RD3: variants seen among roughly 807,000 people sequenced by gnomAD.
RD3 encodes RD3 regulator of GUCY2D, also known as protein RD3.
Under a neutral mutation model 16.9 loss-of-function variants are expected in RD3, and 11 were observed. That is an observed-to-expected ratio of 0.65 (90% CI 0.41 to 1.08). RD3 has a LOEUF of 1.08. RD3 is among the 50% of genes least tolerant of loss of function. The probability of loss-of-function intolerance (pLI) is 0.00; values close to 1 mark genes in which losing one functional copy is unlikely to be tolerated. For synonymous variants in RD3, 116 were observed against 114.8 expected (o/e 1.01, Z -0.07); for missense variants, 274 against 267.4 (o/e 1.02, Z -0.17).
intron 1 of RD3, among the ~76,000 whole-genome samples, chr1:211,484,787 G>A (rs1339684008): frequency 6.6e-6 from 1 of 152,156 alleles, no homozygotes; most frequent in Non-Finnish European, 1.5e-5. Context: ...CATCCCACAT[G>A]GTAAGGGGCC....
chr1:211,488,278 T>C (rs1705416068), intron 1 of RD3, among the ~76,000 whole-genome samples: 1 of 152,306 alleles, frequency 6.6e-6, no homozygotes, highest in South Asian at 2.1e-4. Flanking sequence ...CTCACGACTA[T>C]AATCCCAGCA....
intron 1 of RD3, among the ~76,000 whole-genome samples, chr1:211,482,042 G>A (rs191861333): frequency 6.6e-6 from 1 of 152,182 alleles, no homozygotes; most frequent in Non-Finnish European, 1.5e-5. Context: ...GACCAACATG[G>A]AGAAACCCTG....
rs766975675 is a variant in RD3 at position 211,481,398 on chromosome 1, C to G, written c.18G>C (p.Trp6Cys). The part of the protein sequence containing the change: MSLIS[W>C]LRWNEAPSRL... ...GGGATGGGGCCTCGTTCCACCGAAG[C>G]CATGAGATGAGAGACATAGCCCCTG... Residue 6 changes from tryptophan to cysteine, a missense_variant, in exon 2 of 3, where the codon TGG becomes TGC. By Grantham distance (215) the Trp-to-Cys change is radical. Transcript: ENST00000680073. 1 of 1,612,992 alleles carries G rather than the reference C, an allele frequency of 6.2e-7. No individual in the cohort carries two copies. The highest frequency in any genetic ancestry group is 1.7e-5 in the Admixed American group (1 of 60,028).
At chr1:211,488,589 G>A (rs1360218353) in intron 1 of RD3, among the ~76,000 whole-genome samples, 2 of 151,268 alleles carry the variant, frequency 1.3e-5, no homozygotes, top group Non-Finnish European at 2.9e-5. Context: ...ATAGAGAGGA[G>A]ACAGATGACC....
In RD3 at chr1:211,478,441, G is replaced by A. The variant is rs1705187820; in HGVS notation, c.*595C>T. 1 of 354,586 alleles carries A rather than the reference G, an allele frequency of 2.8e-6. No individual in the cohort carries two copies. Among genetic ancestry groups the A allele is most frequent in the Admixed American group, 4.7e-5 (1 of 21,392 alleles). The allele number at this position is 354,586 out of a possible 1,614,324, so 22.0% of individuals were successfully genotyped here. A position where few individuals can be genotyped will look rare whatever the true frequency, so the allele number is the denominator to read the frequency against. ...GAGGAGCTGGCTGCAGTTAAAGGCA[G>A]AAGAAGTGTCCCTCTCTGAGCCTCA... On this transcript the variant is annotated 3_prime_UTR_variant, in exon 3 of 3. Transcript: ENST00000680073.
At chr1:211,489,223 C>T (rs1164434456) in intron 1 of RD3, among the ~76,000 whole-genome samples, 3 of 152,146 alleles carry the variant, frequency 2.0e-5, no homozygotes, top group Non-Finnish European at 4.4e-5. Context: ...ACCATTGTCG[C>T]TTAGTACAGA....
intron 1 of RD3, among the ~76,000 whole-genome samples, chr1:211,486,150 C>CA (rs111329963): frequency 0.053 from 5,808 of 109,028 alleles, 155 homozygotes; most frequent in Middle Eastern, 0.15. Context: ...GACCCCATCT[C>CA]AAAAAAAAAA....
At chr1:211,479,606 T>G (rs1207599051) in intron 2 of RD3, among the ~76,000 whole-genome samples, 2 of 152,220 alleles carry the variant, frequency 1.3e-5, no homozygotes, top group African/African-American at 2.4e-5. Context: ...TGAACTAAGA[T>G]ATGTAAAGAT....
intron 1 of RD3, among the ~76,000 whole-genome samples, chr1:211,488,919 A>G (rs1011498351): frequency 6.6e-6 from 1 of 151,848 alleles, no homozygotes; most frequent in African/African-American, 2.4e-5. Flanking sequence ...GCCTGGCTGC[A>G]CCCCCACTCC....
intron 2 of RD3, among the ~76,000 whole-genome samples, chr1:211,480,763 ACTT>A (rs746198051): frequency 2.6e-5 from 4 of 152,184 alleles, no homozygotes; most frequent in Admixed American, 6.5e-5. Flanking sequence ...TGTCTGGAAA[ACTT>A]CTCCGAGAAG....
chr1:211,490,720 C>T (rs925661870), intron 1 of RD3, among the ~76,000 whole-genome samples: 35 of 152,180 alleles, frequency 2.3e-4, no homozygotes, highest in Admixed American at 1.7e-3. Context: ...CAGATATGAG[C>T]GGGCCTGACC....
At chr1:211,482,573 G>A (rs914550524) in intron 1 of RD3, among the ~76,000 whole-genome samples, 2 of 151,880 alleles carry the variant, frequency 1.3e-5, no homozygotes, top group Non-Finnish European at 2.9e-5. Context: ...TCCAGCCATA[G>A]AACAAGGTGA....
Position 211,478,810 on chromosome 1 carries a change from A to G in RD3, c.*226T>C, listed in dbSNP as rs866205967. 1.1e-4 allele frequency: 60 copies of G among 561,138 alleles called. No individual in the cohort carries two copies. The African/African-American group carries it at 1.1e-3, about 10-fold the overall frequency. The allele number at this position is 561,138 out of a possible 1,614,324, so 34.8% of individuals were successfully genotyped here. On this transcript the variant is annotated 3_prime_UTR_variant, in exon 3 of 3. Transcript: ENST00000680073. ...GGCTGCTCCTGCAGACTAGCGCAGGAGAGGGAGAGGGCGGTGCCGCTCTAC... is the reference window on the plus strand; with the variant it reads ...GGCTGCTCCTGCAGACTAGCGCAGGGGAGGGAGAGGGCGGTGCCGCTCTAC...
At position 211,479,206 on chromosome 1, in the gene RD3, G is replaced by A. The variant is rs1057304619; in HGVS notation, c.418C>T (p.Arg140Cys). ...KQEEEAHKLT[R>C]QWSLRPRGSL... ...CCGCGGGGCCGCAGGCTCCACTGGC[G>A]CGTCAGCTTGTGGGCCTCCTCTTCC... The change falls in exon 3 of 3, where the codon CGC becomes TGC. Residue 140 changes from arginine to cysteine, a missense_variant. Coordinates refer to ENST00000680073, the MANE Select transcript of RD3 (RefSeq NM_001164688.2). 6.2e-7 allele frequency: 1 copy of A among 1,611,366 alleles called. No individual in the cohort carries two copies. The highest frequency in any genetic ancestry group is 1.3e-5 in the African/African-American group (1 of 74,882).
At chr1:211,481,621 G>A (rs1705267801) in intron 1 of RD3, among the ~76,000 whole-genome samples, 195 bp from the exon 2 acceptor site, 2 of 152,238 alleles carry the variant, frequency 1.3e-5, no homozygotes, top group Admixed American at 6.5e-5. Flanking sequence ...AGACAAGATA[G>A]GGCTGTTGTG....
At chr1:211,485,205 G>A (rs962860853) in intron 1 of RD3, among the ~76,000 whole-genome samples, 1 of 152,192 alleles carries the variant, frequency 6.6e-6, no homozygotes, top group Non-Finnish European at 1.5e-5. Flanking sequence ...GATGGCAGGG[G>A]CTGAGTGGAG....
chr1:211,488,091 A>G (rs551295321), intron 1 of RD3, among the ~76,000 whole-genome samples: 1 of 152,334 alleles, frequency 6.6e-6, no homozygotes, highest in African/African-American at 2.4e-5. Flanking sequence ...CATTTATAAA[A>G]TGGTGTTCAG....
At chr1:211,479,436 CACTCT>C (rs975522682) in intron 2 of RD3, 109 bp from the exon 3 acceptor site, 8 of 961,748 alleles carry the variant, frequency 8.3e-6, no homozygotes, top group African/African-American at 4.9e-5. Context: ...CCAATTAGTC[CACTCT>C]ACTCTGCTCC....
intron 1 of RD3, among the ~76,000 whole-genome samples, chr1:211,485,128 G>A (rs1334402291): frequency 6.6e-6 from 1 of 152,136 alleles, no homozygotes; most frequent in East Asian, 1.9e-4. Context: ...GCTTCCCTGG[G>A]CTTAAGGCTC....
Sources: gnomAD v4.1 joint callset for allele counts (sites outside exome capture counted in the v4.1 genomes callset) on GRCh38, gnomAD v4.1.1 for gene constraint, MANE v1.5 for transcripts, NCBI Gene and HGNC (gene_info 2026-07-23, HGNC 2026-07-21) for gene names.